The following BLZF1 variants were observed in gnomAD, a reference collection of about 807,000 sequenced individuals.
The protein encoded by BLZF1 is basic leucine zipper nuclear factor 1.
BLZF1 carries 39 observed loss-of-function variants against 43.8 expected under a neutral mutation model. That is an observed-to-expected ratio of 0.89 (90% CI 0.69 to 1.16). The LOEUF (loss-of-function observed/expected upper bound fraction) is 1.16, where lower values mean the gene tolerates loss of function less well. Among genes scored for constraint, BLZF1 ranks in the 50% most tolerant of loss-of-function variants. BLZF1 has a pLI of 0.00. For synonymous variants in BLZF1, 136 were observed against 159.4 expected (o/e 0.85, Z 1.11); for missense variants, 449 against 469.8 (o/e 0.96, Z 0.41).
At chr1:169,391,855 G>A (rs541944642), downstream of BLZF1, among the ~76,000 whole-genome samples, 22 of 152,202 alleles carry the variant, frequency 1.4e-4, no homozygotes, top group Admixed American at 1.2e-3. Flanking sequence ...TCAGACCCCC[G>A]ATAAACTTGT....
chr1:169,395,147 G>A (rs201318451), intron 7 of BLZF1: 14 of 1,613,276 alleles, frequency 8.7e-6, no homozygotes, highest in African/African-American at 1.3e-5. Context: ...GAGCTGTCTA[G>A]TTCTCTCTCT....
At chr1:169,392,181 T>C (rs1250146568), downstream of BLZF1, among the ~76,000 whole-genome samples, 1 of 136,688 alleles carries the variant, frequency 7.3e-6, no homozygotes, top group African/African-American at 2.6e-5. Flanking sequence ...CAAAGCAGTC[T>C]ACAGATTCAC....
intron 4 of BLZF1, among the ~76,000 whole-genome samples, chr1:169,379,838 A>G (rs1236577262): frequency 1.3e-5 from 2 of 152,016 alleles, no homozygotes; most frequent in Non-Finnish European, 1.5e-5. Context: ...ATAGCTGTAT[A>G]TGTGCTAATA....
rs1304505206 is a variant in BLZF1 at position 169,382,191 on chromosome 1, T to C, written c.927T>C (p.His309=). ...NHKLAKAVNS[H]LLGNVGINNQ... ...AGTTGGCAAAAGCAGTAAATTCTCA[T>C]CTTCTGGGAAATGTTGGCATTAACA... The change falls in exon 6 of 7, where the codon CAT becomes CAC. Residue 309 remains histidine (H), a synonymous_variant. Transcript: ENST00000367808. 2 of 1,613,802 alleles carry C rather than the reference T, an allele frequency of 1.2e-6. No homozygotes were observed. The highest frequency in any genetic ancestry group is 1.7e-5 in the Admixed American group (1 of 60,008).
rs375692439 is a variant in BLZF1 at position 169,376,997 on chromosome 1, C to A, written c.468+18C>A. The A allele has an allele frequency of 6.3e-7, 1 of 1,596,718 alleles. No homozygotes were observed. Among genetic ancestry groups the A allele is most frequent in the South Asian group, 1.1e-5 (1 of 89,838 alleles). On this transcript the variant is annotated intron_variant, in intron 3 of 6. Transcript: ENST00000367808. ...AGACAGAGGTAAGAAGAGCCTTAAT[C>A]GATAAAATGAGTACTACTCTTTACG...
Position 169,380,548 on chromosome 1 carries a change from G to A in BLZF1, c.736G>A (p.Ala246Thr), listed in dbSNP as rs750243416. ...LQRQNRDAHG[A>T]IQDLLSEREQ... ...GCGTCAAAACCGTGATGCACACGGGGCTATACAAGATCTCCTAAGTGAACG... is the reference window on the plus strand; with the variant it reads ...GCGTCAAAACCGTGATGCACACGGGACTATACAAGATCTCCTAAGTGAACG... Residue 246 changes from alanine to threonine, a missense_variant, in exon 5 of 7, where the codon GCT becomes ACT. Coordinates refer to ENST00000367808, the MANE Select transcript of BLZF1 (RefSeq NM_001320973.2). 3.7e-6 allele frequency: 6 copies of A among 1,612,768 alleles called. No homozygotes were observed. The Admixed American group carries it at 6.7e-5, about 18-fold the overall frequency.
chr1:169,375,239 AAT>A, intron 2 of BLZF1, among the ~76,000 whole-genome samples: 1 of 151,318 alleles, frequency 6.6e-6, no homozygotes, highest in South Asian at 2.1e-4. Flanking sequence ...TAAAATAAAA[AAT>A]ATGTTAAGCT....
intron 1 of BLZF1, 76 bp from the exon 2 acceptor site, chr1:169,369,392 AATATC>A: frequency 1.5e-6 from 1 of 677,952 alleles, no homozygotes; most frequent in Non-Finnish European, 2.4e-6. Context: ...AAGCAATTAA[AATATC>A]ATAACTTTTA....
chr1:169,380,245 T>A (rs968590379), intron 4 of BLZF1, among the ~76,000 whole-genome samples: 1 of 152,048 alleles, frequency 6.6e-6, no homozygotes, highest in Admixed American at 6.6e-5. Context: ...ATAGGAAAGT[T>A]GAATAACTCT....
exon 8 of BLZF1, chr1:169,396,036 T>A (rs1655013114): frequency 6.6e-6 from 1 of 152,146 alleles, no homozygotes; most frequent in South Asian, 2.1e-4. Flanking sequence ...TAAATGGATA[T>A]GGGCTGGATA....
rs1557851529 is a variant in BLZF1 at position 169,387,031 on chromosome 1, A to C, written c.1052A>C (p.Glu351Ala). The C allele has an allele frequency of 1.2e-6, 2 of 1,611,574 alleles. No individual in the cohort carries two copies. Among genetic ancestry groups the C allele is most frequent in the South Asian group, 2.2e-5 (2 of 90,594 alleles). ...LRILDPVTCK[E>A]SSPDNPFFES... is the part of the protein sequence containing the mutation. The stretch of plus-strand genomic sequence containing the variant: ...ATTTTAGATCCAGTTACCTGCAAAG[A>C]GAGTTCACCTGATAATCCATTTTTT... The change falls in exon 7 of 7, where the codon GAG (glutamate) becomes GCG (alanine). Residue 351 changes from glutamate (E) to alanine (A), a missense_variant. Coordinates refer to ENST00000367808, the MANE Select transcript of BLZF1 (RefSeq NM_001320973.2).
chr1:169,382,402 G>A, intron 6 of BLZF1, 121 bp downstream of exon 6: 1 of 767,458 alleles, frequency 1.3e-6, no homozygotes, highest in Non-Finnish European at 2.1e-6. Flanking sequence ...AACCACTCAT[G>A]CTATTGAGTG....
Position 169,376,935 on chromosome 1 carries a change from C to T in BLZF1, c.424C>T (p.Gln142Ter), listed in dbSNP as rs777984423. Residue 142 changes from glutamine (Q) to a stop codon, truncating the protein, a stop_gained, in exon 3 of 7, where the codon CAG (glutamine) becomes TAG (stop). Transcript: ENST00000367808. LOFTEE classifies it high-confidence loss of function. ...CAAGAATTCTGAAAGAAGGTTACTA[C>T]AGGACAAAGAAGGTCTTTCAAACCA... ...KLKNSERRLL[Q>*]DKEGLSNQLR... 1.1e-5 allele frequency: 18 copies of T among 1,613,136 alleles called. No individual in the cohort carries two copies. In the Admixed American group the frequency reaches 1.8e-4, roughly 16 times the overall value.
chr1:169,369,032 A>G (rs1205267703), intron 1 of BLZF1, among the ~76,000 whole-genome samples: 2 of 152,118 alleles, frequency 1.3e-5, no homozygotes, highest in Non-Finnish European at 2.9e-5. Context: ...ATCTTGAGTA[A>G]TATTTTTTGT....
rs375692439 is a variant in BLZF1 at position 169,376,997 on chromosome 1, C to T, written c.468+18C>T. On this transcript the variant is annotated intron_variant, in intron 3 of 6. Coordinates refer to ENST00000367808, the MANE Select transcript of BLZF1 (RefSeq NM_001320973.2). ...AGACAGAGGTAAGAAGAGCCTTAAT[C>T]GATAAAATGAGTACTACTCTTTACG... 49 of 1,596,716 alleles carry T rather than the reference C, an allele frequency of 3.1e-5. No individual in the cohort carries two copies. In the Middle Eastern group the frequency reaches 6.7e-4, roughly 22 times the overall value.
intron 3 of BLZF1, among the ~76,000 whole-genome samples, chr1:169,377,676 A>ATACATCAT (rs1423142989): frequency 1.3e-5 from 2 of 152,052 alleles, no homozygotes; most frequent in Non-Finnish European, 2.9e-5. Context: ...CATTTCATCC[A>ATACATCAT]GCTATACGTG....
chr1:169,376,867 C>T lies in BLZF1; in HGVS notation c.356C>T (p.Pro119Leu). The part of the protein sequence containing the change: ...FLGQSEGVIE[P>L]NKELSEVKNV... ...GGTCAGTCAGAGGGAGTTATAGAAC[C>T]TAATAAGGAACTCTCAGAGGTAAAG... The change falls in exon 3 of 7, where the codon CCT becomes CTT. Residue 119 changes from proline to leucine, a missense_variant. Transcript: ENST00000367808. The T allele has an allele frequency of 6.2e-7, 1 of 1,613,054 alleles. No homozygotes were observed. Among genetic ancestry groups the T allele is most frequent in the Non-Finnish European group, 8.5e-7 (1 of 1,179,420 alleles).
Position 169,376,882 on chromosome 1 carries a change from C to G in BLZF1, c.371C>G (p.Ser124Ter). The change falls in exon 3 of 7, where the codon TCA (serine) becomes TGA (stop). Residue 124 changes from serine to a stop codon, truncating the protein, a stop_gained. Transcript: ENST00000367808. LOFTEE classifies it high-confidence loss of function. ...GTTATAGAACCTAATAAGGAACTCTCAGAGGTAAAGAATGTATTGGAAAAG... is the reference window on the plus strand; with the variant it reads ...GTTATAGAACCTAATAAGGAACTCTGAGAGGTAAAGAATGTATTGGAAAAG... ...EGVIEPNKEL[S>*]EVKNVLEKLK... 2 of 1,613,134 alleles carry G rather than the reference C, an allele frequency of 1.2e-6. No individual in the cohort carries two copies. The highest frequency in any genetic ancestry group is 1.3e-5 in the African/African-American group (1 of 74,960).
At chr1:169,384,024 A>T (rs1438567814) in intron 6 of BLZF1, among the ~76,000 whole-genome samples, 1 of 152,028 alleles carries the variant, frequency 6.6e-6, no homozygotes, top group Admixed American at 6.6e-5. Context: ...AGGTATTTCC[A>T]TCTACTTGTT....
Sources: allele counts gnomAD v4.1 joint callset (sites outside exome capture counted in the v4.1 genomes callset), GRCh38; gene constraint gnomAD v4.1.1; transcripts MANE v1.5; gene names NCBI Gene and HGNC (gene_info 2026-07-23, HGNC 2026-07-21).